The following AQR variants were observed in gnomAD, a reference collection of about 807,000 sequenced individuals.
AQR encodes RNA helicase aquarius.
Under a neutral mutation model 180.5 loss-of-function variants are expected in AQR, and 61 were observed. That is an observed-to-expected ratio of 0.34 (90% CI 0.28 to 0.42). The LOEUF (loss-of-function observed/expected upper bound fraction) is 0.42. Ranked by LOEUF, AQR falls within the 10% of genes least tolerant of loss-of-function variation. AQR has a pLI of 1.00. For missense variants in AQR, 1,281 were observed against 1,798.3 expected, an observed-to-expected ratio of 0.71 and a Z score of 5.20; for synonymous variants, 551 against 588.8, an observed-to-expected ratio of 0.94 and a Z score of 0.93.
At chr15:34,943,503 A>C in intron 6 of AQR, 1 of 412,686 alleles carries the variant, frequency 2.4e-6, no homozygotes, top group Non-Finnish European at 3.8e-6. Flanking sequence ...TAAAGAGATA[A>C]CAGTGGTATC....
chr15:34,880,684 C>T (rs7181165), intron 27 of AQR, among the ~76,000 whole-genome samples: 2,291 of 152,148 alleles, frequency 0.015, 51 homozygotes, highest in African/African-American at 0.047. Context: ...ACCAAAGTTA[C>T]GACATAACTA....
intron 15 of AQR, among the ~76,000 whole-genome samples, chr15:34,917,338 T>C (rs1162886544): frequency 6.6e-6 from 1 of 152,214 alleles, no homozygotes; most frequent in Admixed American, 6.5e-5. Context: ...GATGCCATTG[T>C]TCAAAAAAGT....
At chr15:34,948,420 T>C in intron 4 of AQR, 36 bp from the exon 5 acceptor site, 4 of 1,601,018 alleles carry the variant, frequency 2.5e-6, no homozygotes, top group Non-Finnish European at 3.4e-6. Context: ...ACTTCATTAG[T>C]TACCACCACT....
intron 15 of AQR, among the ~76,000 whole-genome samples, chr15:34,915,591 A>G (rs1385624261): frequency 6.6e-6 from 1 of 152,190 alleles, no homozygotes; most frequent in East Asian, 1.9e-4. Context: ...ATATCTGATA[A>G]CAACTTATTT....
chr15:34,897,533 AC>A (rs1893265693), intron 21 of AQR, 25 bp downstream of exon 21: 1 of 1,609,942 alleles, frequency 6.2e-7, no homozygotes, highest in African/African-American at 1.3e-5. Flanking sequence ...GTTCATCATT[AC>A]AATTATAATA....
intron 31 of AQR, chr15:34,868,511 A>G (rs556676463): frequency 2.6e-4 from 40 of 152,290 alleles, no homozygotes; most frequent in African/African-American, 9.6e-4. Flanking sequence ...GAAGTTTACA[A>G]AACACTTTTT....
At chr15:34,896,284 C>T (rs1165317741) in intron 22 of AQR, among the ~76,000 whole-genome samples, 10 of 152,130 alleles carry the variant, frequency 6.6e-5, no homozygotes, top group Admixed American at 6.5e-4. Flanking sequence ...TTGATCATTA[C>T]ACAATGTATA....
intron 13 of AQR, 48 bp from the exon 14 acceptor site, chr15:34,920,482 C>A: frequency 7.2e-7 from 1 of 1,379,972 alleles, no homozygotes; most frequent in South Asian, 1.3e-5. Flanking sequence ...TACTTCACTT[C>A]ACTTTTGAAA....
At chr15:34,935,170 A>G (rs561024230) in intron 9 of AQR, among the ~76,000 whole-genome samples, 1 of 152,266 alleles carries the variant, frequency 6.6e-6, no homozygotes, top group African/African-American at 2.4e-5. Flanking sequence ...TAGAATGCCA[A>G]TGACACAAAG....
chr15:34,871,009 T>G, intron 30 of AQR, 87 bp from the exon 31 acceptor site: 1 of 1,340,328 alleles, frequency 7.5e-7, no homozygotes, highest in Middle Eastern at 2.1e-4. Flanking sequence ...TAAGCAAAAC[T>G]TGTTCACTTT....
At chr15:34,867,703 CT>C in intron 31 of AQR, 94 bp from the exon 32 acceptor site, 1 of 824,260 alleles carries the variant, frequency 1.2e-6, no homozygotes, top group South Asian at 1.5e-5. Flanking sequence ...ACATCTTATC[CT>C]TAATCAATCC....
Position 34,900,914 on chromosome 15 carries a change from T to C in AQR, c.2002-51A>G, listed in dbSNP as rs773143471. 19 of 1,529,376 alleles carry C rather than the reference T, an allele frequency of 1.2e-5. No homozygotes were observed. In the East Asian group the frequency reaches 3.4e-4, roughly 28 times the overall value. The allele number at this position is 1,529,376 out of a possible 1,614,324, so 94.7% of individuals were successfully genotyped here. ...TTGTGTCAGTATGACATCTCCAACA[T>C]TTGCACTTACTGGAATGCAGAGCTG... On this transcript the variant is annotated intron_variant, in intron 19 of 34. Transcript: ENST00000156471.
Position 34,875,950 on chromosome 15 carries a change from G to A in AQR, c.3222C>T (p.Ile1074=). Residue 1074 remains isoleucine, a synonymous_variant, in exon 28 of 35, where the codon ATC becomes ATT. Coordinates refer to ENST00000156471, the MANE Select transcript of AQR (RefSeq NM_014691.3). ...AAQILEIETF[I]PLLLQNPQDG... The stretch of plus-strand genomic sequence containing the variant: ...TATTTCTTACCTGTAGAAGAAGAGG[G>A]ATAAAAGTTTCTATCTCCAGAATCT... 6.2e-7 allele frequency: 1 copy of A among 1,609,898 alleles called. No individual in the cohort carries two copies. Among genetic ancestry groups the A allele is most frequent in the African/African-American group, 1.3e-5 (1 of 74,910 alleles).
At chr15:34,895,457 T>G (rs964313999) in intron 22 of AQR, among the ~76,000 whole-genome samples, 2 of 151,838 alleles carry the variant, frequency 1.3e-5, no homozygotes, top group African/African-American at 2.4e-5. Flanking sequence ...ATGCTGTTTA[T>G]AAGAAACTCA....
chr15:34,884,578 C>T lies in AQR; in HGVS notation c.2974G>A (p.Glu992Lys). 1 of 1,603,010 alleles carries T rather than the reference C, an allele frequency of 6.2e-7. No individual in the cohort carries two copies. The highest frequency in any genetic ancestry group is 8.5e-7 in the Non-Finnish European group (1 of 1,177,288). Residue 992 changes from glutamate to lysine, a missense_variant, in exon 26 of 35, where the codon GAA becomes AAA. Physicochemically the swap from Glu to Lys is moderately conservative, Grantham distance 56 (BLOSUM62 1). Coordinates refer to ENST00000156471, the MANE Select transcript of AQR (RefSeq NM_014691.3). ...TGCCTGAAACATCCTTCAGCAATTTCCATGTCTTCTTCATAAGATCTTCCT... is the reference window on the plus strand; with the variant it reads ...TGCCTGAAACATCCTTCAGCAATTTTCATGTCTTCTTCATAAGATCTTCCT... ...FKGRSYEEDMEIAEGCFRHIK... is the reference protein window; with the variant it reads ...FKGRSYEEDMKIAEGCFRHIK...
At chr15:34,884,491 T>C (rs370544477) in intron 26 of AQR, 34 bp downstream of exon 26, 1 of 1,461,718 alleles carries the variant, frequency 6.8e-7, no homozygotes, top group Non-Finnish European at 9.3e-7. Context: ...TAAAAACCAC[T>C]AAAGGGAAGT....
At chr15:34,968,503 C>T (rs1395578118) in intron 1 of AQR, among the ~76,000 whole-genome samples, 1 of 152,032 alleles carries the variant, frequency 6.6e-6, no homozygotes, top group Non-Finnish European at 1.5e-5. Flanking sequence ...CGTGATCCGC[C>T]CGCCTCGGCC....
At chr15:34,863,097 G>T in intron 32 of AQR, 56 bp from the exon 33 acceptor site, 1 of 1,440,160 alleles carries the variant, frequency 6.9e-7, no homozygotes, top group South Asian at 1.4e-5. Flanking sequence ...CATTTAAGCA[G>T]CTTTTTTTTT....
intron 29 of AQR, chr15:34,874,238 G>A: frequency 2.6e-6 from 1 of 387,408 alleles, no homozygotes; most frequent in Non-Finnish European, 4.5e-6. Flanking sequence ...TGAGGTCAAT[G>A]CTATCTTTAT....
Sources: gnomAD v4.1 joint callset for allele counts (sites outside exome capture counted in the v4.1 genomes callset) on GRCh38, gnomAD v4.1.1 for gene constraint, MANE v1.5 for transcripts, NCBI Gene and HGNC (gene_info 2026-07-23, HGNC 2026-07-21) for gene names.